AGAP3: variants seen among roughly 807,000 people sequenced by gnomAD.
The protein encoded by AGAP3 is ArfGAP with GTPase domain, ankyrin repeat and PH domain 3, also known as arf-GAP with GTPase, ANK repeat and PH domain-containing protein 3.
A neutral mutation model predicts 96.9 loss-of-function variants in AGAP3; 24 were observed. The observed-to-expected ratio is 0.25, with a 90% CI of 0.18 to 0.35. The LOEUF (loss-of-function observed/expected upper bound fraction) is 0.35, where lower values mean the gene tolerates loss of function less well. Among genes scored for constraint, AGAP3 ranks in the 10% least tolerant of loss-of-function variants. AGAP3 has a pLI of 1.00. For synonymous variants in AGAP3, 563 were observed against 536.1 expected, an observed-to-expected ratio of 1.05 and a Z score of -0.69; for missense variants, 876 against 1,254.2, an observed-to-expected ratio of 0.70 and a Z score of 4.55.
In AGAP3 at chr7:151,142,544, C is replaced by G. The variant is rs758885976; in HGVS notation, c.2183C>G (p.Ala728Gly). The change falls in exon 16 of 18, where the codon GCT (alanine) becomes GGT (glycine). Residue 728 changes from alanine to glycine, a missense_variant. By Grantham distance (60) the Ala-to-Gly change is moderately conservative. This residue lies in a region of AGAP3 where 213 missense variants were observed against 253.8 expected (regional missense o/e 0.84). Coordinates refer to ENST00000397238, the MANE Select transcript of AGAP3 (RefSeq NM_031946.7). This position sits in a 1 kb window ranked among gnomAD's most constrained non-coding sequence, Gnocchi z 7.5. ...GATGACTGGCCGCCTGAGCTGCTGG[C>G]TGTCATGACTGCCATGGGCAATGCC... ...DLDDWPPELL[A>G]VMTAMGNALA... The G allele has an allele frequency of 1.9e-6, 3 of 1,613,612 alleles. No homozygotes were observed. The highest frequency in any genetic ancestry group is 2.2e-5 in the East Asian group (1 of 44,876).
chr7:151,128,204 A>C (rs1016467102), intron 9 of AGAP3: 24 of 216,458 alleles, frequency 1.1e-4, no homozygotes, highest in Non-Finnish European at 2.2e-4. Flanking sequence ...CACTATCTAC[A>C]CCCCTGAGCG....
intron 8 of AGAP3, chr7:151,123,106 CG>C: frequency 8.8e-7 from 1 of 1,141,088 alleles, no homozygotes; most frequent in South Asian, 2.9e-5. Context: ...CCGCCCGGCC[CG>C]GCTGCTCCTG....
In AGAP3 at chr7:151,139,966, C is replaced by A; in HGVS notation, c.1667-13C>A. 6.5e-7 allele frequency: 1 copy of A among 1,535,574 alleles called. No homozygotes were observed. Among genetic ancestry groups the A allele is most frequent in the Non-Finnish European group, 8.8e-7 (1 of 1,141,540 alleles). On this transcript the variant is annotated splice_polypyrimidine_tract_variant and intron_variant, in intron 12 of 17. Transcript: ENST00000397238. The surrounding 1 kb of genome is among the most constrained non-coding windows in gnomAD (Gnocchi z 4.9). ...CCCTTCTTCCCACACTTCTCCAACT[C>A]TCCCCTCACCAGCCAGTGGCCCAGC...
intron 8 of AGAP3, among the ~76,000 whole-genome samples, chr7:151,122,207 C>T (rs1799927890): frequency 6.6e-6 from 1 of 152,236 alleles, no homozygotes; most frequent in Non-Finnish European, 1.5e-5. Flanking sequence ...GCCAAAGGGG[C>T]AGAGGGCTGT....
chr7:151,104,008 G>C (rs1423089257), intron 1 of AGAP3, among the ~76,000 whole-genome samples: 2 of 152,136 alleles, frequency 1.3e-5, no homozygotes, highest in East Asian at 1.9e-4. Context: ...GCCGTGGCGG[G>C]GGCGTGAGGA....
chr7:151,085,987 T>C (rs937639571), upstream of AGAP3: 1 of 152,358 alleles, frequency 6.6e-6, no homozygotes, highest in African/African-American at 2.4e-5. Context: ...GGGGAGCCTA[T>C]GCCGCACTGA....
At position 151,088,697 on chromosome 7, in the gene AGAP3, G is replaced by A. The variant is rs139179651; in HGVS notation, c.331+1625G>A. On this transcript the variant is annotated intron_variant, in intron 1 of 17. Coordinates refer to ENST00000397238, the MANE Select transcript of AGAP3 (RefSeq NM_031946.7). The stretch of plus-strand genomic sequence containing the variant: ...TTTCCCAGAGCAGGGAGAGGTTTCC[G>A]GGCTCCCCTGGCTCCAGCTTGATGA... Among the ~76,000 whole-genome samples the A allele has an allele frequency of 4.6e-5, 7 of 152,338 alleles. No homozygotes were observed. The East Asian group carries it at 9.6e-4, about 21-fold the overall frequency.
In AGAP3 at chr7:151,096,801, CAG is replaced by C. The variant is rs1798621723; in HGVS notation, c.331+9732_331+9733del. On this transcript the variant is annotated intron_variant, in intron 1 of 17. Transcript: ENST00000397238. This position sits in a 1 kb window ranked among gnomAD's most constrained non-coding sequence, Gnocchi z 4.4. Reference sequence around the variant, plus strand: ...TTTTCTTTTCTTTTCTTTAACGAGACAGAGTCTTGCTTTGTTTCCCAGGCTGG... The same window carrying C: ...TTTTCTTTTCTTTTCTTTAACGAGACAGTCTTGCTTTGTTTCCCAGGCTGG... Among the ~76,000 whole-genome samples the C allele has an allele frequency of 6.8e-6, 1 of 147,674 alleles. No individual in the cohort carries two copies. Among genetic ancestry groups the C allele is most frequent in the Admixed American group, 6.8e-5 (1 of 14,758 alleles).
chr7:151,132,160 A>G (rs1373798115), intron 10 of AGAP3, among the ~76,000 whole-genome samples: 2 of 152,200 alleles, frequency 1.3e-5, no homozygotes, highest in Non-Finnish European at 2.9e-5. Context: ...GGATGGAGGT[A>G]CGCTGGGATG....
chr7:151,134,344 C>A (rs41273644), intron 10 of AGAP3, 56 bp from the exon 11 acceptor site: 5 of 1,595,858 alleles, frequency 3.1e-6, no homozygotes, highest in Non-Finnish European at 4.3e-6. Flanking sequence ...CAAGGCTCAA[C>A]GCTGGAGTGA....
chr7:151,108,711 T>C lies in AGAP3; in HGVS notation c.332-8082T>C, dbSNP rs1007754344. Among the ~76,000 whole-genome samples, 4 of 152,206 alleles carry C rather than the reference T, an allele frequency of 2.6e-5. No homozygotes were observed. The highest frequency in any genetic ancestry group is 9.7e-5 in the African/African-American group (4 of 41,436). On this transcript the variant is annotated intron_variant, in intron 1 of 17. Coordinates refer to ENST00000397238, the MANE Select transcript of AGAP3 (RefSeq NM_031946.7). This position sits in a 1 kb window ranked among gnomAD's most constrained non-coding sequence, Gnocchi z 4.2. ...CTTAGTAAGCACTCAAAAAATAATG[T>C]GAAATGATGACTTAGAGGCCCAAGC...
chr7:151,096,642 T>G lies in AGAP3; in HGVS notation c.331+9570T>G, dbSNP rs1798615953. On this transcript the variant is annotated intron_variant, in intron 1 of 17. Transcript: ENST00000397238. The surrounding 1 kb of genome is among the most constrained non-coding windows in gnomAD (Gnocchi z 4.4). ...TGCCCACCACCACGCCCGGCTTATT[T>G]TTTGTATTTTTAGTAGAGACGAGGT... Among the ~76,000 whole-genome samples, 1 of 151,348 alleles carries G rather than the reference T, an allele frequency of 6.6e-6. No homozygotes were observed. The highest frequency in any genetic ancestry group is 1.5e-5 in the Non-Finnish European group (1 of 67,914).
chr7:151,108,988 G>T lies in AGAP3; in HGVS notation c.332-7805G>T, dbSNP rs949807173. Among the ~76,000 whole-genome samples the T allele has an allele frequency of 6.6e-6, 1 of 152,110 alleles. No homozygotes were observed. Among genetic ancestry groups the T allele is most frequent in the Non-Finnish European group, 1.5e-5 (1 of 68,028 alleles). ...TTCTGGAGAGCTCATAGCTTCCTAG[G>T]GCTGTGGTAATAAACCATTGTAAAC... On this transcript the variant is annotated intron_variant, in intron 1 of 17. Transcript: ENST00000397238. This position sits in a 1 kb window ranked among gnomAD's most constrained non-coding sequence, Gnocchi z 4.2.
chr7:151,091,445 C>G (rs1019313143), intron 1 of AGAP3, among the ~76,000 whole-genome samples: 1 of 152,232 alleles, frequency 6.6e-6, no homozygotes, highest in Non-Finnish European at 1.5e-5. Flanking sequence ...TTAGCTCCTA[C>G]TGTGCGGCCC....
intron 12 of AGAP3, 122 bp downstream of exon 12, chr7:151,138,435 G>A: frequency 1.8e-6 from 2 of 1,118,340 alleles, no homozygotes; most frequent in Non-Finnish European, 2.5e-6. Flanking sequence ...CAAGGGGTGG[G>A]GCCCAGCTGG....
chr7:151,140,280 G>T lies in AGAP3; in HGVS notation c.1804+164G>T. On this transcript the variant is annotated intron_variant, in intron 13 of 17. Coordinates refer to ENST00000397238, the MANE Select transcript of AGAP3 (RefSeq NM_031946.7). The surrounding 1 kb of genome is among the most constrained non-coding windows in gnomAD (Gnocchi z 5.4). ...TTCTACAGCTTCTTTTGGTAATCTAGACCTGGTATCTTAGAAAAGTTCTTC... is the reference window on the plus strand; with the variant it reads ...TTCTACAGCTTCTTTTGGTAATCTATACCTGGTATCTTAGAAAAGTTCTTC... 1.3e-6 allele frequency: 1 copy of T among 785,860 alleles called. No homozygotes were observed. The highest frequency in any genetic ancestry group is 3.4e-5 in the East Asian group (1 of 29,244). The allele number at this position is 785,860 out of a possible 1,614,324, so 48.7% of individuals were successfully genotyped here.
intron 1 of AGAP3, chr7:151,115,737 G>T (rs1291165068): frequency 2.5e-6 from 2 of 792,878 alleles, no homozygotes; most frequent in East Asian, 1.5e-4. Flanking sequence ...GCGCGTCCGG[G>T]GCTGGCGGGG....
chr7:151,128,647 G>C lies in AGAP3; in HGVS notation c.1289G>C (p.Cys430Ser), dbSNP rs933682843. ...TGGAAGAAGAAGTATGTGACGCTCT[G>C]TGACAACGGGCTGCTCACCTATCAC... ...KEWKKKYVTL[C>S]DNGLLTYHPS... Residue 430 changes from cysteine to serine, a missense_variant, in exon 10 of 18, where the codon TGT (cysteine) becomes TCT (serine). Transcript: ENST00000397238. 6.2e-7 allele frequency: 1 copy of C among 1,613,708 alleles called. No individual in the cohort carries two copies. Among genetic ancestry groups the C allele is most frequent in the Non-Finnish European group, 8.5e-7 (1 of 1,179,924 alleles).
chr7:151,142,136 T>G lies in AGAP3; in HGVS notation c.1960-27T>G, dbSNP rs779768733. 1.9e-6 allele frequency: 3 copies of G among 1,612,548 alleles called. No individual in the cohort carries two copies. In the South Asian group the frequency reaches 3.3e-5, roughly 18 times the overall value. ...GCCTCATGACTGACCAACCGCCCCT[T>G]GTCTTGTCTCTCCTGCTGTGCGACA... On this transcript the variant is annotated intron_variant, in intron 14 of 17. Coordinates refer to ENST00000397238, the MANE Select transcript of AGAP3 (RefSeq NM_031946.7). The surrounding 1 kb of genome is among the most constrained non-coding windows in gnomAD (Gnocchi z 7.5).
Sources: allele counts gnomAD v4.1 joint callset (sites outside exome capture counted in the v4.1 genomes callset), GRCh38; gene constraint gnomAD v4.1.1; regional missense constraint gnomAD v4.1.1; non-coding constraint Gnocchi (gnomAD v3.1); transcripts MANE v1.5; gene names NCBI Gene and HGNC (gene_info 2026-07-23, HGNC 2026-07-21).